Variants in ZPBP observed in about 807,000 individuals in gnomAD.
ZPBP encodes the protein zona pellucida binding protein.
A neutral mutation model predicts 44.8 loss-of-function variants in ZPBP; 26 were observed. The observed-to-expected ratio is 0.58, with a 90% CI of 0.43 to 0.81. The LOEUF is 0.81. ZPBP is among the 30% of genes least tolerant of loss of function. The pLI is 0.00. For missense variants in ZPBP, 409 were observed against 434.0 expected, an observed-to-expected ratio of 0.94 and a Z score of 0.51; for synonymous variants, 174 against 153.2, an observed-to-expected ratio of 1.14 and a Z score of -1.00.
chr7:49,924,175 G>A (rs1018620388), intron 1 of ZPBP, among the ~76,000 whole-genome samples: 7 of 149,876 alleles, frequency 4.7e-5, no homozygotes, highest in Non-Finnish European at 8.8e-5. Context: ...TTATAAAATG[G>A]TAAAAGCACA....
downstream of ZPBP, among the ~76,000 whole-genome samples, chr7:49,850,110 C>T (rs1247642819): frequency 1.3e-5 from 2 of 152,164 alleles, no homozygotes; most frequent in African/African-American, 4.8e-5. Flanking sequence ...AAGCCTAGCA[C>T]ATAGCATGGT....
chr7:49,981,566 TATA>T (rs1796943855), intron 7 of ZPBP, among the ~76,000 whole-genome samples: 1 of 60,656 alleles, frequency 1.6e-5, no homozygotes, highest in African/African-American at 5.1e-5. Flanking sequence ...TTATATATTA[TATA>T]ATTATATAAA....
chr7:49,883,023 A>C (rs1791738449), intron 2 of ZPBP, among the ~76,000 whole-genome samples: 1 of 152,016 alleles, frequency 6.6e-6, no homozygotes, highest in Non-Finnish European at 1.5e-5. Flanking sequence ...TACCTGGATT[A>C]ACATTCCCTC....
intron 7 of ZPBP, among the ~76,000 whole-genome samples, chr7:49,982,763 A>C (rs1797087037): frequency 6.6e-6 from 1 of 151,974 alleles, no homozygotes; most frequent in Non-Finnish European, 1.5e-5. Flanking sequence ...TTGGCCCATT[A>C]ATCTCTCAAT....
intron 2 of ZPBP, among the ~76,000 whole-genome samples, chr7:49,883,344 A>C (rs1027335386): frequency 6.6e-6 from 1 of 152,160 alleles, no homozygotes; most frequent in African/African-American, 2.4e-5. Flanking sequence ...CTCAAGAAAT[A>C]AGCTTAAATA....
At chr7:50,063,888 T>A (rs1801371533) in intron 3 of ZPBP, among the ~76,000 whole-genome samples, 1 of 152,234 alleles carries the variant, frequency 6.6e-6, no homozygotes, top group Non-Finnish European at 1.5e-5. Flanking sequence ...AAGGACTGCC[T>A]GCAACCTTAT....
At chr7:50,071,526 C>A (rs1801835200) in intron 3 of ZPBP, among the ~76,000 whole-genome samples, 1 of 152,158 alleles carries the variant, frequency 6.6e-6, no homozygotes, top group Admixed American at 6.5e-5. Flanking sequence ...TGAACTGAGA[C>A]ACCAGCTGGG....
intron 6 of ZPBP, among the ~76,000 whole-genome samples, chr7:50,016,502 G>A (rs981350613): frequency 1.4e-4 from 22 of 152,026 alleles, no homozygotes; most frequent in African/African-American, 4.3e-4. Flanking sequence ...CCAACGATGT[G>A]GAATTTACCC....
At chr7:49,845,652 C>CTTCAGAAG (rs377517394), downstream of ZPBP, among the ~76,000 whole-genome samples, 494 of 152,330 alleles carry the variant, frequency 3.2e-3, 6 homozygotes, top group African/African-American at 0.011. Context: ...CTTTAAAATA[C>CTTCAGAAG]CAACCTTCGG....
chr7:50,090,053 A>C (rs571762799), intron 1 of ZPBP, among the ~76,000 whole-genome samples: 1 of 152,270 alleles, frequency 6.6e-6, no homozygotes, highest in African/African-American at 2.4e-5. Flanking sequence ...GCCACAGTAC[A>C]TCACCAGCAC....
At chr7:49,896,842 A>G (rs1364163235) in intron 2 of ZPBP, among the ~76,000 whole-genome samples, 1 of 152,072 alleles carries the variant, frequency 6.6e-6, no homozygotes, top group Non-Finnish European at 1.5e-5. Context: ...TCAATATGAA[A>G]TAATTCGCTT....
chr7:50,005,014 C>A (rs1798241466), intron 6 of ZPBP, among the ~76,000 whole-genome samples: 1 of 142,220 alleles, frequency 7.0e-6, no homozygotes. Flanking sequence ...ATTAAACTGT[C>A]AAAGAAAACA....
downstream of ZPBP, chr7:49,935,720 G>A (rs1794601903): frequency 6.6e-6 from 1 of 152,192 alleles, no homozygotes; most frequent in South Asian, 2.1e-4. Flanking sequence ...TCTACAGCTT[G>A]TTTTCTTTGC....
intron 7 of ZPBP, among the ~76,000 whole-genome samples, chr7:49,952,725 T>TTCG (rs1795401626): frequency 6.6e-6 from 1 of 151,892 alleles, no homozygotes; most frequent in East Asian, 1.9e-4. Context: ...AAACTAAGGG[T>TTCG]AAAAATACAA....
At chr7:49,852,104 A>C (rs185753930) in intron 2 of ZPBP, among the ~76,000 whole-genome samples, 1 of 152,362 alleles carries the variant, frequency 6.6e-6, no homozygotes, top group Admixed American at 6.5e-5. Context: ...AGCAGGCACC[A>C]GTACCACCTG....
At chr7:49,950,833 G>A (rs1040222794) in intron 7 of ZPBP, among the ~76,000 whole-genome samples, 10 of 151,624 alleles carry the variant, frequency 6.6e-5, no homozygotes, top group African/African-American at 1.7e-4. Flanking sequence ...TTCCAGTTGC[G>A]ATGCCAAATT....
Position 50,093,058 on chromosome 7 carries a change from G to A in ZPBP, c.127+10C>T, listed in dbSNP as rs1374366326. The stretch of plus-strand genomic sequence containing the variant: ...CCCTGCGGAGCCGGCAGGGCGGCGC[G>A]GACCCTCACCTGATGAGGGCACCCG... On this transcript the variant is annotated intron_variant, in intron 1 of 7. Transcript: ENST00000046087. 14 of 1,596,856 alleles carry A rather than the reference G, an allele frequency of 8.8e-6. No homozygotes were observed. Among genetic ancestry groups the A allele is most frequent in the Non-Finnish European group, 1.2e-5 (14 of 1,172,588 alleles).
chr7:49,981,097 G>C (rs2128778172), intron 7 of ZPBP, among the ~76,000 whole-genome samples: 1 of 145,804 alleles, frequency 6.9e-6, no homozygotes, highest in Non-Finnish European at 1.5e-5. Context: ...ACTGCCAACT[G>C]TTAACTTTGT....
intron 7 of ZPBP, among the ~76,000 whole-genome samples, chr7:49,980,336 ATAT>A (rs1796787794): frequency 7.3e-6 from 1 of 137,678 alleles, no homozygotes; most frequent in African/African-American, 2.7e-5. Context: ...AACATATATT[ATAT>A]AATACATAAT....
Sources: allele counts gnomAD v4.1 joint callset (sites outside exome capture counted in the v4.1 genomes callset), GRCh38; gene constraint gnomAD v4.1.1; transcripts MANE v1.5; gene names NCBI Gene and HGNC (gene_info 2026-07-23, HGNC 2026-07-21).